LRBA: variants seen among roughly 807,000 people sequenced by gnomAD.
LRBA encodes the protein LPS responsive beige-like anchor protein, also known as lipopolysaccharide-responsive and beige-like anchor protein.
LRBA carries 176 observed loss-of-function variants against 330.0 expected under a neutral mutation model. The ratio of observed to expected loss-of-function variants is 0.53; its 90% CI spans 0.47 to 0.60. The LOEUF (loss-of-function observed/expected upper bound fraction) is 0.60. Ranked by LOEUF, LRBA falls within the 20% of genes least tolerant of loss-of-function variation. The probability of loss-of-function intolerance (pLI) is 0.00; values close to 1 mark genes in which losing one functional copy is unlikely to be tolerated. For missense variants in LRBA, 3,259 were observed against 3,444.8 expected (o/e 0.95, Z 1.35); for synonymous variants, 1,230 against 1,193.0 (o/e 1.03, Z -0.64).
chr4:150,460,319 G>GA (rs5862920), intron 44 of LRBA, among the ~76,000 whole-genome samples: 25,644 of 150,430 alleles, frequency 0.17, 2,215 homozygotes, highest in Non-Finnish European at 0.2. Context: ...ATGAAGGAGA[G>GA]AAAAAAAAAT....
intron 2 of LRBA, among the ~76,000 whole-genome samples, chr4:151,009,979 C>CAAAA (rs1191755458): frequency 8.8e-5 from 13 of 147,424 alleles, no homozygotes; most frequent in African/African-American, 2.5e-4. Flanking sequence ...GGCTCCATCT[C>CAAAA]AAAAAAATAA....
At chr4:150,433,520 C>T (rs1180551346) in intron 46 of LRBA, among the ~76,000 whole-genome samples, 2 of 151,954 alleles carry the variant, frequency 1.3e-5, no homozygotes, top group African/African-American at 4.8e-5. Context: ...AAATTCATGA[C>T]TTCATTTTTG....
chr4:150,508,238 AAAGG>A (rs1247867934), intron 40 of LRBA, among the ~76,000 whole-genome samples: 1 of 50,856 alleles, frequency 2.0e-5, no homozygotes, highest in African/African-American at 7.3e-5. Flanking sequence ...ATTTAAAAAA[AAAGG>A]GGGGGGGGGG....
chr4:150,830,180 GC>G (rs1746956525), intron 29 of LRBA, among the ~76,000 whole-genome samples: 1 of 152,228 alleles, frequency 6.6e-6, no homozygotes, highest in African/African-American at 2.4e-5. Context: ...CCCTTGACAA[GC>G]CCTTGAATCT....
chr4:150,831,473 T>C (rs964681005), intron 29 of LRBA, among the ~76,000 whole-genome samples: 1 of 152,222 alleles, frequency 6.6e-6, no homozygotes, highest in African/African-American at 2.4e-5. Context: ...GAAGCTACTT[T>C]TAATACTCCA....
intron 5 of LRBA, among the ~76,000 whole-genome samples, chr4:150,917,337 G>A (rs987365855): frequency 1.3e-5 from 2 of 151,814 alleles, no homozygotes; most frequent in African/African-American, 4.8e-5. Flanking sequence ...TAAAATGAAC[G>A]TATCCACAGA....
intron 44 of LRBA, among the ~76,000 whole-genome samples, chr4:150,440,794 T>C (rs1392786583): frequency 6.6e-6 from 1 of 151,634 alleles, no homozygotes; most frequent in Non-Finnish European, 1.5e-5. Context: ...AAACTTAGAT[T>C]AAAGTAGGAA....
chr4:150,547,771 T>C (rs1766030617), intron 40 of LRBA, among the ~76,000 whole-genome samples: 1 of 152,150 alleles, frequency 6.6e-6, no homozygotes, highest in Admixed American at 6.6e-5. Context: ...AGGATTAAAA[T>C]GTGGCTCTCC....
chr4:150,852,461 A>G lies in LRBA; in HGVS notation c.3249T>C (p.Ser1083=), dbSNP rs775753371. ...MTVSEVTASI[S]SPSEEDASEM... is the part of the protein sequence containing the mutation. ...CTGAGGCATCCTCTTCTGAAGGAGA[A>G]CTTATAGAAGCAGTTACTTCACTGA... is the stretch of plus-strand genomic sequence containing the variant. The change falls in exon 23 of 57, where the codon AGT becomes AGC. Residue 1083 remains serine, a synonymous_variant. Coordinates refer to ENST00000651943, the MANE Select transcript of LRBA (RefSeq NM_001364905.1). 1.1e-5 allele frequency: 18 copies of G among 1,613,534 alleles called. No homozygotes were observed.
chr4:150,457,379 A>G (rs568686453), intron 44 of LRBA, among the ~76,000 whole-genome samples: 16 of 152,210 alleles, frequency 1.1e-4, no homozygotes, highest in African/African-American at 3.6e-4. Flanking sequence ...AGTCCTCAGA[A>G]TAGTGTAGAC....
At chr4:150,534,474 G>A (rs966939805) in intron 40 of LRBA, among the ~76,000 whole-genome samples, 1 of 151,568 alleles carries the variant, frequency 6.6e-6, no homozygotes, top group Non-Finnish European at 1.5e-5. Flanking sequence ...TGCTTTAGTG[G>A]AAAGTTTTTA....
chr4:150,832,295 A>T (rs1340904923), intron 28 of LRBA, among the ~76,000 whole-genome samples: 1 of 152,126 alleles, frequency 6.6e-6, no homozygotes, highest in Admixed American at 6.6e-5. Flanking sequence ...ACAAACAGTA[A>T]TTATAATTAT....
intron 35 of LRBA, among the ~76,000 whole-genome samples, chr4:150,741,093 C>T (rs1394603536): frequency 6.6e-6 from 1 of 151,994 alleles, no homozygotes; most frequent in African/African-American, 2.4e-5. Flanking sequence ...GAGCATCTTC[C>T]TGACTGGGTC....
chr4:150,348,917 C>G (rs1409747133), intron 48 of LRBA, among the ~76,000 whole-genome samples: 5 of 152,072 alleles, frequency 3.3e-5, no homozygotes, highest in African/African-American at 4.8e-5. Context: ...ATGTTCTGAT[C>G]AAATAAAATA....
chr4:150,907,275 G>A (rs1348369444), intron 11 of LRBA, among the ~76,000 whole-genome samples: 1 of 81,680 alleles, frequency 1.2e-5, no homozygotes, highest in East Asian at 5.1e-4. Flanking sequence ...GAGAAGGGGG[G>A]GAGAGGGGAG....
At chr4:150,299,735 G>A (rs143404057) in intron 53 of LRBA, among the ~76,000 whole-genome samples, 5 of 151,962 alleles carry the variant, frequency 3.3e-5, no homozygotes, top group Non-Finnish European at 4.4e-5. Flanking sequence ...AAAACCCTGA[G>A]ATAGACCTAT....
At chr4:150,780,759 C>A (rs1738101240) in intron 34 of LRBA, among the ~76,000 whole-genome samples, 2 of 148,054 alleles carry the variant, frequency 1.4e-5, no homozygotes, top group African/African-American at 2.5e-5. Flanking sequence ...AGTCCCCAAC[C>A]TTTTTGGCAC....
intron 28 of LRBA, among the ~76,000 whole-genome samples, chr4:150,841,520 T>C (rs1560899037): frequency 2.0e-5 from 3 of 152,186 alleles, no homozygotes; most frequent in South Asian, 2.1e-4. Context: ...TAAGGACATA[T>C]AGTATGTAAA....
intron 40 of LRBA, chr4:150,582,896 C>T (rs889700621): frequency 4.6e-6 from 5 of 1,096,608 alleles, no homozygotes; most frequent in Non-Finnish European, 6.4e-6. Context: ...AGGTGGAAAA[C>T]GAGAGTGAAA....
Sources: allele counts gnomAD v4.1 joint callset (sites outside exome capture counted in the v4.1 genomes callset), GRCh38; gene constraint gnomAD v4.1.1; transcripts MANE v1.5; gene names NCBI Gene and HGNC (gene_info 2026-07-23, HGNC 2026-07-21).